The following DGKB variants were observed in gnomAD, a reference collection of about 807,000 sequenced individuals.
The protein encoded by DGKB is diacylglycerol kinase beta.
A neutral mutation model predicts 114.3 loss-of-function variants in DGKB; 67 were observed. The observed-to-expected ratio is 0.59, with a 90% CI of 0.48 to 0.72. DGKB has a LOEUF of 0.72. DGKB is among the 30% of genes least tolerant of loss of function. The pLI is 0.00. For missense variants in DGKB, 907 were observed against 975.2 expected (o/e 0.93, Z 0.93); for synonymous variants, 398 against 323.1 (o/e 1.23, Z -2.49).
At chr7:14,496,127 A>G (rs537368668) in intron 20 of DGKB, among the ~76,000 whole-genome samples, 31 of 151,932 alleles carry the variant, frequency 2.0e-4, no homozygotes, top group Non-Finnish European at 4.0e-4. Context: ...TTTTTAAAAA[A>G]TTTACGGAAG....
intron 20 of DGKB, among the ~76,000 whole-genome samples, chr7:14,525,042 C>T (rs1311147917): frequency 6.6e-6 from 1 of 151,780 alleles, no homozygotes; most frequent in Non-Finnish European, 1.5e-5. Context: ...TGTAGTCATC[C>T]TAGATTTCTC....
intron 23 of DGKB, among the ~76,000 whole-genome samples, chr7:14,283,956 A>T (rs1243165000): frequency 6.6e-6 from 1 of 152,168 alleles, no homozygotes; most frequent in East Asian, 1.9e-4. Context: ...AGGCATGGGC[A>T]AGGACTTCAT....
intron 1 of DGKB, among the ~76,000 whole-genome samples, chr7:14,974,067 C>T (rs972264327): frequency 6.6e-6 from 1 of 151,778 alleles, no homozygotes; most frequent in Non-Finnish European, 1.5e-5. Flanking sequence ...GGGAAAATTG[C>T]CATTTGTCAA....
At chr7:14,645,472 G>T (rs1011049194) in intron 13 of DGKB, among the ~76,000 whole-genome samples, 1 of 151,968 alleles carries the variant, frequency 6.6e-6, no homozygotes, top group Non-Finnish European at 1.5e-5. Flanking sequence ...GCTGAACAAT[G>T]GCAGCAAAGA....
chr7:14,382,813 C>A (rs1388649208), intron 21 of DGKB, among the ~76,000 whole-genome samples: 2 of 152,198 alleles, frequency 1.3e-5, no homozygotes, highest in Non-Finnish European at 2.9e-5. Context: ...CTCTGAATCT[C>A]TGAATGGCCC....
chr7:14,365,376 ACGT>A (rs1816495883), intron 21 of DGKB, among the ~76,000 whole-genome samples: 1 of 151,972 alleles, frequency 6.6e-6, no homozygotes, highest in African/African-American at 2.4e-5. Context: ...CCTTAACTTC[ACGT>A]CTTGCTCACT....
At chr7:14,443,897 C>G (rs1273378957) in intron 21 of DGKB, among the ~76,000 whole-genome samples, 1 of 151,834 alleles carries the variant, frequency 6.6e-6, no homozygotes, top group African/African-American at 2.4e-5. Flanking sequence ...TTCTATTTAT[C>G]ATTTACTTCT....
intron 2 of DGKB, among the ~76,000 whole-genome samples, chr7:14,758,072 C>T (rs1341347208): frequency 6.6e-6 from 1 of 151,996 alleles, no homozygotes; most frequent in Non-Finnish European, 1.5e-5. Context: ...CATAACACAA[C>T]TAAACTAAAG....
chr7:14,682,885 T>A, intron 10 of DGKB, 44 bp from the exon 11 acceptor site: 1 of 1,365,846 alleles, frequency 7.3e-7, no homozygotes, highest in Non-Finnish European at 1.0e-6. Flanking sequence ...ATCCTGGTCC[T>A]GGTTGTAATT....
intron 21 of DGKB, among the ~76,000 whole-genome samples, chr7:14,471,566 G>C (rs1463779867): frequency 1.3e-5 from 2 of 150,840 alleles, no homozygotes; most frequent in Non-Finnish European, 3.0e-5. Flanking sequence ...TTATTTGTAG[G>C]ACACAGTGCT....
intron 1 of DGKB, among the ~76,000 whole-genome samples, chr7:14,900,013 C>T (rs1435449440): frequency 6.6e-6 from 1 of 152,094 alleles, no homozygotes; most frequent in Non-Finnish European, 1.5e-5. Flanking sequence ...ATGCCGTCTC[C>T]CTCCTGTGAG....
intron 23 of DGKB, among the ~76,000 whole-genome samples, chr7:14,210,122 A>C (rs542764486): frequency 2.0e-5 from 3 of 152,224 alleles, no homozygotes; most frequent in East Asian, 3.9e-4. Flanking sequence ...GGTGCAAAGG[A>C]AATTTCAATA....
intron 20 of DGKB, among the ~76,000 whole-genome samples, chr7:14,564,814 T>C (rs998435776): frequency 3.9e-5 from 6 of 152,150 alleles, no homozygotes; most frequent in Non-Finnish European, 8.8e-5. Context: ...TCCTGCTTCA[T>C]TGGCCATTGT....
intron 23 of DGKB, among the ~76,000 whole-genome samples, chr7:14,254,448 C>A (rs1240037034): frequency 6.6e-6 from 1 of 152,068 alleles, no homozygotes; most frequent in Non-Finnish European, 1.5e-5. Flanking sequence ...AAATGGACCA[C>A]AGAATATAGA....
intron 5 of DGKB, among the ~76,000 whole-genome samples, chr7:14,726,592 T>C (rs999899480): frequency 6.6e-6 from 1 of 152,226 alleles, no homozygotes; most frequent in Non-Finnish European, 1.5e-5. Context: ...TCATAAACAT[T>C]TGAAAGAAAA....
intron 2 of DGKB, among the ~76,000 whole-genome samples, chr7:14,789,832 T>A (rs1212228406): frequency 6.6e-6 from 1 of 152,156 alleles, no homozygotes; most frequent in Non-Finnish European, 1.5e-5. Flanking sequence ...AGTTATATAG[T>A]AGTGCCATGT....
intron 21 of DGKB, among the ~76,000 whole-genome samples, chr7:14,406,434 C>T (rs928321975): frequency 2.6e-5 from 4 of 151,870 alleles, no homozygotes; most frequent in Admixed American, 6.6e-5. Context: ...AAGAAAAATC[C>T]TGCCTGACCC....
At chr7:14,415,859 A>G (rs1031171592) in intron 21 of DGKB, among the ~76,000 whole-genome samples, 2 of 152,154 alleles carry the variant, frequency 1.3e-5, no homozygotes, top group African/African-American at 4.8e-5. Flanking sequence ...GACTTCCACA[A>G]TGGTTGAACT....
intron 16 of DGKB, 109 bp downstream of exon 16, chr7:14,613,231 T>G: frequency 1.6e-6 from 1 of 639,700 alleles, no homozygotes; most frequent in Non-Finnish European, 2.7e-6. Flanking sequence ...TTATTTTGCA[T>G]TAAAATTAGC....
Sources: gnomAD v4.1 joint callset for allele counts (sites outside exome capture counted in the v4.1 genomes callset) on GRCh38, gnomAD v4.1.1 for gene constraint, MANE v1.5 for transcripts, NCBI Gene and HGNC (gene_info 2026-07-23, HGNC 2026-07-21) for gene names.